The following CCDC150 variants were observed in gnomAD, a reference collection of about 807,000 sequenced individuals.
CCDC150 encodes the protein coiled-coil domain containing 150.
CCDC150 carries 151 observed loss-of-function variants against 156.5 expected under a neutral mutation model. The observed-to-expected ratio is 0.97, with a 90% CI of 0.85 to 1.10. CCDC150 has a LOEUF of 1.10. Among genes scored for constraint, CCDC150 ranks in the 50% least tolerant of loss-of-function variants. The probability of loss-of-function intolerance (pLI) is 0.00; values close to 1 mark genes in which losing one functional copy is unlikely to be tolerated. For missense variants in CCDC150, 1,312 were observed against 1,268.1 expected (o/e 1.03, Z -0.53); for synonymous variants, 452 against 429.4 (o/e 1.05, Z -0.65).
intron 14 of CCDC150, among the ~76,000 whole-genome samples, chr2:196,697,374 G>T (rs1219223405): frequency 6.6e-6 from 1 of 152,028 alleles, no homozygotes; most frequent in Non-Finnish European, 1.5e-5. Flanking sequence ...ACCACTGGCA[G>T]TCACGCAGGG....
At chr2:196,696,694 A>G (rs1419117214) in intron 14 of CCDC150, among the ~76,000 whole-genome samples, 1 of 152,252 alleles carries the variant, frequency 6.6e-6, no homozygotes, top group Admixed American at 6.5e-5. Context: ...TCGGTTGGCT[A>G]TATGAGTTTG....
chr2:196,670,564 T>C (rs1694139466), intron 8 of CCDC150, among the ~76,000 whole-genome samples: 2 of 152,006 alleles, frequency 1.3e-5, no homozygotes, highest in African/African-American at 2.4e-5. Flanking sequence ...TTTTTTTTTT[T>C]CTATAACCAC....
Position 196,666,761 on chromosome 2 carries a change from A to G in CCDC150, c.805A>G (p.Ile269Val), listed in dbSNP as rs537133450. The change falls in exon 7 of 28, where the codon ATA (isoleucine) becomes GTA (valine). Residue 269 changes from isoleucine (I) to valine (V), a missense_variant. Coordinates refer to ENST00000389175, the MANE Select transcript of CCDC150 (RefSeq NM_001080539.2). Reference protein sequence around the residue: ...QQNCIALRDSIQSAQELLAQE... With the variant: ...QQNCIALRDSVQSAQELLAQE... ...AAACTGCATTGCTCTACGTGATTCT[A>G]TACAGAGCGCTCAAGAACTACTGGC... 1.4e-5 allele frequency: 23 copies of G among 1,613,054 alleles called. No homozygotes were observed. The South Asian group carries it at 2.3e-4, about 16-fold the overall frequency.
intron 15 of CCDC150, among the ~76,000 whole-genome samples, chr2:196,710,382 CT>C (rs142867974): frequency 0.09 from 13,737 of 152,252 alleles, 782 homozygotes; most frequent in African/African-American, 0.17. Context: ...CAGGAGTGTC[CT>C]GTTTTTCCAG....
chr2:196,656,985 T>C lies in CCDC150; in HGVS notation c.425T>C (p.Ile142Thr), dbSNP rs770588840. The change falls in exon 4 of 28, where the codon ATA (isoleucine) becomes ACA (threonine). Residue 142 changes from isoleucine to threonine, a missense_variant. Transcript: ENST00000389175. ...TTTCTGAAAGATCGACTGAATGCAA[T>C]ACAGGAAGAGCATTCTAAGGACCTG... The part of the protein sequence containing the change: ...TAFLKDRLNA[I>T]QEEHSKDLKL... 1 of 1,613,586 alleles carries C rather than the reference T, an allele frequency of 6.2e-7. No homozygotes were observed. Among genetic ancestry groups the C allele is most frequent in the South Asian group, 1.1e-5 (1 of 91,038 alleles).
chr2:196,660,176 A>G lies in CCDC150; in HGVS notation c.645+1316A>G, dbSNP rs1191934007. On this transcript the variant is annotated intron_variant, in intron 5 of 27. Transcript: ENST00000389175. ...TCTTTATATAGCTGAACAATATTCT[A>G]TTGTATGTACCACAATTTGTTTATC... is the stretch of plus-strand genomic sequence containing the variant. Among the ~76,000 whole-genome samples the G allele has an allele frequency of 3.3e-5, 5 of 152,192 alleles. No individual in the cohort carries two copies. The South Asian group carries it at 6.2e-4, about 19-fold the overall frequency.
At chr2:196,723,727 G>C (rs1366198705) in intron 21 of CCDC150, among the ~76,000 whole-genome samples, 3 of 152,152 alleles carry the variant, frequency 2.0e-5, no homozygotes, top group Non-Finnish European at 4.4e-5. Flanking sequence ...AGATGCTGCA[G>C]AGTCAAAGAG....
At chr2:196,642,747 AT>A (rs1375354416) in intron 1 of CCDC150, among the ~76,000 whole-genome samples, 1 of 150,298 alleles carries the variant, frequency 6.7e-6, no homozygotes. Flanking sequence ...TTCATTTTTT[AT>A]TTTTTTTTAG....
chr2:196,676,314 G>T, intron 11 of CCDC150, 47 bp downstream of exon 11: 1 of 1,600,528 alleles, frequency 6.2e-7, no homozygotes, highest in Non-Finnish European at 8.5e-7. Flanking sequence ...GTTCTTGCAT[G>T]TGTGTTTCTT....
At chr2:196,675,270 T>G (rs1694424475) in intron 10 of CCDC150, among the ~76,000 whole-genome samples, 1 of 152,160 alleles carries the variant, frequency 6.6e-6, no homozygotes, top group Non-Finnish European at 1.5e-5. Flanking sequence ...TCTGTGCAAG[T>G]ATAATGCTAT....
At position 196,674,296 on chromosome 2, in the gene CCDC150, CT is replaced by C. The variant is rs1559232383; in HGVS notation, c.1086del (p.Val363LeufsTer18). On this transcript the variant is annotated frameshift_variant, in exon 10 of 28. Coordinates refer to ENST00000389175, the MANE Select transcript of CCDC150 (RefSeq NM_001080539.2). LOFTEE classifies it high-confidence loss of function. ...KCSELSCMLQ[T>X]VTMEKARIIA... ...TCAGAGTTGAGCTGCATGCTTCAGACTGTTACTATGGAAAAAGCCAGAATCA... is the reference window on the plus strand; with the variant it reads ...TCAGAGTTGAGCTGCATGCTTCAGACGTTACTATGGAAAAAGCCAGAATCA... 6.2e-7 allele frequency: 1 copy of C among 1,604,400 alleles called. No homozygotes were observed. The highest frequency in any genetic ancestry group is 1.7e-5 in the Admixed American group (1 of 58,952).
Position 196,698,627 on chromosome 2 carries a change from C to T in CCDC150, c.1624-2482C>T, listed in dbSNP as rs1276949466. 6.6e-5 allele frequency among the ~76,000 whole-genome samples: 10 copies of T among 152,256 alleles called. No homozygotes were observed. In the East Asian group the frequency reaches 1.7e-3, roughly 26 times the overall value. ...GTTCTTGGTTTTTTATATGTTCTTA[C>T]CTATGCTTTACAGCACACTGAGACA... On this transcript the variant is annotated intron_variant, in intron 14 of 27. Transcript: ENST00000389175.
intron 2 of CCDC150, among the ~76,000 whole-genome samples, chr2:196,646,913 G>A (rs1419890922): frequency 6.6e-6 from 1 of 151,952 alleles, no homozygotes; most frequent in African/African-American, 2.4e-5. Context: ...TAAATTAAAA[G>A]GGGTTTTTGA....
At chr2:196,662,239 T>C (rs1334649847) in intron 5 of CCDC150, among the ~76,000 whole-genome samples, 1 of 152,144 alleles carries the variant, frequency 6.6e-6, no homozygotes, top group Non-Finnish European at 1.5e-5. Context: ...ATTTCTAAGC[T>C]TAAAAAGAAT....
intron 2 of CCDC150, among the ~76,000 whole-genome samples, chr2:196,652,251 G>T (rs763418468): frequency 2.6e-5 from 4 of 152,172 alleles, no homozygotes; most frequent in Non-Finnish European, 5.9e-5. Context: ...CGTTAATTCA[G>T]AAGTCCCAAG....
intron 11 of CCDC150, 87 bp downstream of exon 11, chr2:196,676,354 A>T (rs1445588485): frequency 6.6e-7 from 1 of 1,507,378 alleles, no homozygotes; most frequent in African/African-American, 1.4e-5. Flanking sequence ...CTTATCGTCA[A>T]TGAAAACATT....
At chr2:196,698,849 C>T (rs531163840) in intron 14 of CCDC150, among the ~76,000 whole-genome samples, 1 of 152,310 alleles carries the variant, frequency 6.6e-6, no homozygotes, top group South Asian at 2.1e-4. Flanking sequence ...CCTCTCCCCA[C>T]CCGGCAACAG....
chr2:196,653,212 T>A (rs1017811267), intron 2 of CCDC150, among the ~76,000 whole-genome samples: 3 of 152,262 alleles, frequency 2.0e-5, no homozygotes, highest in African/African-American at 7.2e-5. Context: ...ATTCCTTTCC[T>A]GAAAATGTTC....
At chr2:196,692,552 C>T (rs1023766564) in intron 13 of CCDC150, among the ~76,000 whole-genome samples, 1 of 152,170 alleles carries the variant, frequency 6.6e-6, no homozygotes, top group Non-Finnish European at 1.5e-5. Flanking sequence ...TTTAAATAAC[C>T]TATTGAATTT....
Sources: allele counts gnomAD v4.1 joint callset (sites outside exome capture counted in the v4.1 genomes callset), GRCh38; gene constraint gnomAD v4.1.1; transcripts MANE v1.5; gene names NCBI Gene and HGNC (gene_info 2026-07-23, HGNC 2026-07-21).